PRKAR1B: variants seen among roughly 807,000 people sequenced by gnomAD.
PRKAR1B encodes cAMP-dependent protein kinase type I-beta regulatory subunit.
PRKAR1B carries 22 observed loss-of-function variants against 46.5 expected under a neutral mutation model. The ratio of observed to expected loss-of-function variants is 0.47; its 90% CI spans 0.34 to 0.68. PRKAR1B has a LOEUF of 0.68. Among genes scored for constraint, PRKAR1B ranks in the 30% least tolerant of loss-of-function variants. The pLI is 0.01. For synonymous variants in PRKAR1B, 259 were observed against 217.7 expected (o/e 1.19, Z -1.67); for missense variants, 445 against 535.6 (o/e 0.83, Z 1.67).
At chr7:584,044 A>T (rs1280563961) in intron 8 of PRKAR1B, among the ~76,000 whole-genome samples, 2 of 152,194 alleles carry the variant, frequency 1.3e-5, no homozygotes, top group Non-Finnish European at 2.9e-5. Flanking sequence ...ACTGAGAGCA[A>T]TGATGGCGGC....
At chr7:680,790 C>T (rs2128507752) in intron 2 of PRKAR1B, 64 bp from the exon 3 acceptor site, 2 of 1,577,538 alleles carry the variant, frequency 1.3e-6, no homozygotes, top group Non-Finnish European at 1.7e-6. Context: ...AGGCACAGGG[C>T]CCATGCCTGT....
At chr7:664,846 C>G (rs979256189) in intron 4 of PRKAR1B, among the ~76,000 whole-genome samples, 3 of 152,058 alleles carry the variant, frequency 2.0e-5, no homozygotes, top group African/African-American at 7.3e-5. Context: ...CCCAGGAAGT[C>G]GAGGCTGCAG....
chr7:665,994 G>A (rs1359006499), intron 4 of PRKAR1B, among the ~76,000 whole-genome samples: 3 of 152,228 alleles, frequency 2.0e-5, no homozygotes, highest in Non-Finnish European at 2.9e-5. Context: ...CAGGAAGGCC[G>A]CCTCAAGGGT....
intron 1 of PRKAR1B, among the ~76,000 whole-genome samples, chr7:719,044 T>C (rs969314957): frequency 6.6e-6 from 1 of 151,236 alleles, no homozygotes; most frequent in African/African-American, 2.4e-5. Context: ...GCTTATTATT[T>C]TTTCTTTTTC....
At chr7:631,858 G>A (rs998122739) in intron 4 of PRKAR1B, among the ~76,000 whole-genome samples, 7 of 152,068 alleles carry the variant, frequency 4.6e-5, no homozygotes, top group Non-Finnish European at 7.4e-5. Flanking sequence ...TCGGGAGGCT[G>A]AGGTGGGAGG....
chr7:558,769 A>AT (rs1420242055), intron 9 of PRKAR1B, among the ~76,000 whole-genome samples: 1 of 151,256 alleles, frequency 6.6e-6, no homozygotes, highest in Non-Finnish European at 1.5e-5. Context: ...AGAAAAAAAA[A>AT]GAAGAAGGAA....
intron 7 of PRKAR1B, among the ~76,000 whole-genome samples, chr7:588,811 TCAC>T (rs1319963268): frequency 7.7e-4 from 63 of 81,478 alleles, no homozygotes; most frequent in African/African-American, 1.2e-3. Context: ...ACAGTGGTGA[TCAC>T]GATGATGGTG....
intron 9 of PRKAR1B, among the ~76,000 whole-genome samples, chr7:558,353 G>GA: frequency 6.7e-6 from 1 of 149,002 alleles, no homozygotes; most frequent in African/African-American, 2.5e-5. Context: ...AAAAAGGAAG[G>GA]AGGAGAAGGA....
At chr7:609,308 C>T (rs1277631874) in intron 4 of PRKAR1B, among the ~76,000 whole-genome samples, 1 of 152,178 alleles carries the variant, frequency 6.6e-6, no homozygotes, top group African/African-American at 2.4e-5. Flanking sequence ...TTTACAATTC[C>T]TCCCTCTTTT....
intron 9 of PRKAR1B, among the ~76,000 whole-genome samples, chr7:578,109 G>A (rs926922925): frequency 6.6e-6 from 1 of 152,208 alleles, no homozygotes; most frequent in Non-Finnish European, 1.5e-5. Flanking sequence ...CTTACGGAGA[G>A]TGGCTTGCAC....
rs150911972 is a variant in PRKAR1B at position 573,728 on chromosome 7, G to C, written c.891+5528C>G. ...AGTCGTCAACCAGGGAGTGGACAGAGGGTCAGAAAGCGGAAAACACTGGAA... is the reference window on the plus strand; with the variant it reads ...AGTCGTCAACCAGGGAGTGGACAGACGGTCAGAAAGCGGAAAACACTGGAA... On this transcript the variant is annotated intron_variant, in intron 9 of 10. Transcript: ENST00000537384. 1.2e-3 allele frequency among the ~76,000 whole-genome samples: 178 copies of C among 152,358 alleles called. 1 individual carries two copies. Among genetic ancestry groups the C allele is most frequent in the African/African-American group, 4.0e-3 (166 of 41,590 alleles).
intron 4 of PRKAR1B, among the ~76,000 whole-genome samples, chr7:630,861 G>C (rs1369179926): frequency 6.6e-6 from 1 of 152,080 alleles, no homozygotes; most frequent in Non-Finnish European, 1.5e-5. Context: ...GGGCCCACAC[G>C]TGTGACCTTC....
In PRKAR1B at chr7:711,376, C is replaced by G; in HGVS notation, c.130G>C (p.Glu44Gln). 6.2e-7 allele frequency: 1 copy of G among 1,614,216 alleles called. No homozygotes were observed. The highest frequency in any genetic ancestry group is 8.5e-7 in the Non-Finnish European group (1 of 1,180,030). The change falls in exon 2 of 11, where the codon GAA (glutamate) becomes CAA (glutamine). Residue 44 changes from glutamate (E) to glutamine (Q), a missense_variant. Physicochemically the swap from Glu to Gln is conservative, Grantham distance 29 (BLOSUM62 2). This residue lies in a region of PRKAR1B where 155 missense variants were observed against 127.5 expected (regional missense o/e 1.22). Coordinates refer to ENST00000537384, the MANE Select transcript of PRKAR1B (RefSeq NM_001164760.2). ...TCCCGGAGGAACTTCATGGGGCGTT[C>G]GGGCTTGGAGATGCAGAGGTGGACG... ...CIVHLCISKP[E>Q]RPMKFLREHF...
intron 4 of PRKAR1B, among the ~76,000 whole-genome samples, chr7:672,137 A>C (rs1786289364): frequency 6.6e-6 from 1 of 151,868 alleles, no homozygotes; most frequent in African/African-American, 2.4e-5. Flanking sequence ...TGTCGTCTTA[A>C]ATTCTGTGGA....
intron 4 of PRKAR1B, among the ~76,000 whole-genome samples, chr7:616,006 G>A (rs966683973): frequency 8.4e-5 from 8 of 95,742 alleles, no homozygotes; most frequent in African/African-American, 3.8e-4. Flanking sequence ...GAAAAAGGAA[G>A]AAAGAGAGAG....
intron 8 of PRKAR1B, among the ~76,000 whole-genome samples, chr7:581,436 G>A (rs1780180599): frequency 6.6e-6 from 1 of 152,134 alleles, no homozygotes; most frequent in African/African-American, 2.4e-5. Flanking sequence ...ATTTTTTAGA[G>A]CAATTATGGT....
intron 4 of PRKAR1B, among the ~76,000 whole-genome samples, chr7:623,007 T>C (rs1324828703): frequency 6.6e-6 from 1 of 152,164 alleles, no homozygotes; most frequent in Non-Finnish European, 1.5e-5. Flanking sequence ...GCCTAAACCC[T>C]TGGGCAGACC....
intron 9 of PRKAR1B, chr7:578,682 C>CTTT (rs67281859): frequency 2.1e-5 from 3 of 142,064 alleles, no homozygotes; most frequent in Non-Finnish European, 4.5e-5. Context: ...TTTTATTTTA[C>CTTT]TTTTTTTTTT....
chr7:552,038 C>T (rs75773305), intron 9 of PRKAR1B, among the ~76,000 whole-genome samples: 48 of 63,656 alleles, frequency 7.5e-4, no homozygotes, highest in African/African-American at 2.5e-3. Flanking sequence ...GCTACTGCCA[C>T]CACCACGTCA....
Sources: allele counts gnomAD v4.1 joint callset (sites outside exome capture counted in the v4.1 genomes callset), GRCh38; gene constraint gnomAD v4.1.1; regional missense constraint gnomAD v4.1.1; transcripts MANE v1.5; gene names NCBI Gene and HGNC (gene_info 2026-07-23, HGNC 2026-07-21).